TRMT1: variants seen among roughly 807,000 people sequenced by gnomAD.
TRMT1 encodes the protein tRNA methyltransferase 1.
A neutral mutation model predicts 75.4 loss-of-function variants in TRMT1; 63 were observed. That is an observed-to-expected ratio of 0.84 (90% CI 0.68 to 1.03). The LOEUF is 1.03. Among genes scored for constraint, TRMT1 ranks in the 50% least tolerant of loss-of-function variants. The pLI is 0.00. For missense variants in TRMT1, 870 were observed against 905.3 expected (o/e 0.96, Z 0.50); for synonymous variants, 382 against 358.1 (o/e 1.07, Z -0.75).
Position 13,105,011 on chromosome 19 carries a change from G to A in TRMT1, c.1904C>T (p.Ala635Val). 1 of 1,613,064 alleles carries A rather than the reference G, an allele frequency of 6.2e-7. No individual in the cohort carries two copies. The highest frequency in any genetic ancestry group is 8.5e-7 in the Non-Finnish European group (1 of 1,179,536). ...SPPTPRVSAD[A>V]APDCPETSNQ... ...GGAGGTCTCTGGACAGTCAGGGGCA[G>A]CATCAGCAGAAACCCTGGGTGTCGG... is the stretch of plus-strand genomic sequence containing the variant. The change falls in exon 17 of 17, where the codon GCT (alanine) becomes GTT (valine). Residue 635 changes from alanine to valine, a missense_variant. By Grantham distance (64) the Ala-to-Val change is moderately conservative. Transcript: ENST00000357720.
At chr19:13,109,218 G>A (rs971981589) in intron 12 of TRMT1, among the ~76,000 whole-genome samples, 163 bp downstream of exon 12, 7 of 151,870 alleles carry the variant, frequency 4.6e-5, no homozygotes, top group Non-Finnish European at 1.0e-4. Context: ...GGCCTCAAGT[G>A]ATCTTCCTGC....
chr19:13,105,710 T>C (rs2018837780), intron 14 of TRMT1, 104 bp from the exon 15 acceptor site: 6 of 1,150,862 alleles, frequency 5.2e-6, no homozygotes, highest in Non-Finnish European at 7.4e-6. Context: ...GCACGAGGTG[T>C]CTGCTCATGT....
At position 13,114,984 on chromosome 19, in the gene TRMT1, T is replaced by C. The variant is rs375116483; in HGVS notation, c.641+295A>G. Reference sequence around the variant, plus strand: ...GTTCTTGAAAACGGTGCCTGACACATAGCAGACACTGGATATACTATGGCT... The same window carrying C: ...GTTCTTGAAAACGGTGCCTGACACACAGCAGACACTGGATATACTATGGCT... On this transcript the variant is annotated intron_variant, in intron 5 of 16. Coordinates refer to ENST00000357720, the MANE Select transcript of TRMT1 (RefSeq NM_001136035.4). 3.3e-5 allele frequency among the ~76,000 whole-genome samples: 5 copies of C among 152,338 alleles called. No individual in the cohort carries two copies. The East Asian group carries it at 5.8e-4, about 18-fold the overall frequency.
chr19:13,115,187 C>T (rs1599958518), intron 5 of TRMT1, 92 bp downstream of exon 5: 4 of 1,375,308 alleles, frequency 2.9e-6, no homozygotes, highest in Non-Finnish European at 3.9e-6. Flanking sequence ...CTAAGTCACT[C>T]ACTCAAGGTC....
At chr19:13,108,148 G>A (rs915705628) in intron 12 of TRMT1, among the ~76,000 whole-genome samples, 8 of 150,534 alleles carry the variant, frequency 5.3e-5, no homozygotes, top group Non-Finnish European at 8.9e-5. Flanking sequence ...GTGCCACCAC[G>A]CCCAGCTAAT....
rs113546144 is a variant in TRMT1 at position 13,116,575 on chromosome 19, G to T, written c.-33+78C>A. 2.1e-3 allele frequency: 1,884 copies of T among 898,276 alleles called. 33 individuals carry two copies. The African/African-American group carries it at 0.029, about 14-fold the overall frequency. 55.6% of individuals were successfully genotyped at this position (898,276 alleles called of 1,614,324 possible). On this transcript the variant is annotated intron_variant, in intron 1 of 16. Coordinates refer to ENST00000357720, the MANE Select transcript of TRMT1 (RefSeq NM_001136035.4). ...TATCCCCTCGTTTTGGGGATGACTGGTCCCTGTGGAGCCGATGCCCTCGTG... is the reference window on the plus strand; with the variant it reads ...TATCCCCTCGTTTTGGGGATGACTGTTCCCTGTGGAGCCGATGCCCTCGTG...
intron 14 of TRMT1, 146 bp from the exon 15 acceptor site, chr19:13,105,752 T>C (rs1267168712): frequency 6.6e-6 from 6 of 914,772 alleles, no homozygotes; most frequent in Admixed American, 3.0e-5. Context: ...ATAAACATTT[T>C]TGGTTTTTTT....
At chr19:13,116,583 G>A in intron 1 of TRMT1, 70 bp downstream of exon 1, 1 of 840,350 alleles carries the variant, frequency 1.2e-6, no homozygotes, top group South Asian at 1.8e-5. Context: ...TGGTCCCTGT[G>A]GAGCCGATGC....
chr19:13,105,208 G>A, intron 16 of TRMT1, 59 bp downstream of exon 16: 1 of 1,571,638 alleles, frequency 6.4e-7, no homozygotes, highest in East Asian at 2.2e-5. Flanking sequence ...TTCTCTCCCT[G>A]TTGCCCAAAG....
intron 16 of TRMT1, 91 bp downstream of exon 16, chr19:13,105,176 T>TG: frequency 6.4e-7 from 1 of 1,556,066 alleles, no homozygotes; most frequent in Non-Finnish European, 8.7e-7. Context: ...CCCAAACACT[T>TG]GCCTGGCCCC....
Position 13,110,167 on chromosome 19 carries a change from G to A in TRMT1, c.1010C>T (p.Ala337Val). ...RVFTGQAKVK[A>V]SASKQALVFQ... ...CTGCCCCCGGGCTGACCTGGCTGAGGCCTTGACCTTGGCCTGGCCGGTGAA... is the reference window on the plus strand; with the variant it reads ...CTGCCCCCGGGCTGACCTGGCTGAGACCTTGACCTTGGCCTGGCCGGTGAA... Residue 337 changes from alanine (A) to valine (V), a missense_variant, in exon 8 of 17, where the codon GCC becomes GTC. Coordinates refer to ENST00000357720, the MANE Select transcript of TRMT1 (RefSeq NM_001136035.4). 1 of 1,612,332 alleles carries A rather than the reference G, an allele frequency of 6.2e-7. No individual in the cohort carries two copies. Among genetic ancestry groups the A allele is most frequent in the East Asian group, 2.2e-5 (1 of 44,892 alleles).
rs1317617391 is a variant in TRMT1, at chr19:13,113,248, T to C, written c.642-237A>G. Among the ~76,000 whole-genome samples the C allele has an allele frequency of 3.3e-5, 5 of 152,006 alleles. No individual in the cohort carries two copies. The East Asian group carries it at 9.7e-4, about 29-fold the overall frequency. ...ATCTCGGCTCCCTGCAACCTCCGCT[T>C]CCCCAGTTCAAGCAATTCTCGCGCC... On this transcript the variant is annotated intron_variant, in intron 5 of 16. Coordinates refer to ENST00000357720, the MANE Select transcript of TRMT1 (RefSeq NM_001136035.4).
At chr19:13,115,904 T>C (rs777555707) in intron 3 of TRMT1, 93 bp downstream of exon 3, 1 of 1,610,086 alleles carries the variant, frequency 6.2e-7, no homozygotes, top group Non-Finnish European at 8.5e-7. Flanking sequence ...GCTATGTGGC[T>C]GAAGCCCCTC....
In TRMT1 at chr19:13,110,259, G is replaced by A. The variant is rs764301973; in HGVS notation, c.918C>T (p.Tyr306=). The A allele has an allele frequency of 1.1e-5, 18 of 1,612,420 alleles. No homozygotes were observed. Among genetic ancestry groups the A allele is most frequent in the Non-Finnish European group, 1.5e-5 (18 of 1,179,530 alleles). The stretch of plus-strand genomic sequence containing the variant: ...TGAGCAGCGGCACCACGAAGCGCTG[G>A]TAGCAGTTGGCGCGGAGGTCCAGGC... ...LHSLDLRANC[Y]QRFVVPLLSI... The change falls in exon 8 of 17, where the codon TAC becomes TAT. Residue 306 remains tyrosine (Y), a synonymous_variant. Coordinates refer to ENST00000357720, the MANE Select transcript of TRMT1 (RefSeq NM_001136035.4).
chr19:13,108,018 T>G (rs2018965767), intron 12 of TRMT1, among the ~76,000 whole-genome samples, 159 bp from the exon 13 acceptor site: 2 of 133,984 alleles, frequency 1.5e-5, no homozygotes. Context: ...TGAGATGGAG[T>G]CTCGCTCTGT....
At position 13,105,266 on chromosome 19, in the gene TRMT1, C is replaced by A. The variant is rs1003525570; in HGVS notation, c.1833+1G>T. 1 of 1,612,350 alleles carries A rather than the reference C, an allele frequency of 6.2e-7. No homozygotes were observed. The highest frequency in any genetic ancestry group is 1.3e-5 in the African/African-American group (1 of 74,926). On this transcript the variant is annotated splice_donor_variant, in intron 16 of 16. Coordinates refer to ENST00000357720, the MANE Select transcript of TRMT1 (RefSeq NM_001136035.4). LOFTEE classifies it high-confidence loss of function. ...TGGAGGAAAGGGAGGAGGGACCTCA[C>A]CTCCTTAAACCTCTTGCAAGGAAAT...
In TRMT1 at chr19:13,110,320, GT is replaced by G; in HGVS notation, c.871-15del. 2.8e-6 allele frequency: 2 copies of G among 712,024 alleles called. No individual in the cohort carries two copies. The highest frequency in any genetic ancestry group is 1.8e-5 in the African/African-American group (1 of 56,610). 44.1% of individuals were successfully genotyped at this position (712,024 alleles called of 1,614,324 possible). ...GATTCTCAGGGCCTGGGGGTGGGGG[GT>G]GGGTGTCAGCCTCCCCTCCACTATC... On this transcript the variant is annotated splice_polypyrimidine_tract_variant and intron_variant, in intron 7 of 16. Transcript: ENST00000357720.
In TRMT1 at chr19:13,109,414, A is replaced by G; in HGVS notation, c.1364T>C (p.Ile455Thr). The G allele has an allele frequency of 6.2e-7, 1 of 1,613,164 alleles. No individual in the cohort carries two copies. The highest frequency in any genetic ancestry group is 8.5e-7 in the Non-Finnish European group (1 of 1,179,968). The change falls in exon 12 of 17, where the codon ATC becomes ACC. Residue 455 changes from isoleucine (I) to threonine (T), a missense_variant. Ile to Thr is a moderately conservative substitution (Grantham distance 89). Transcript: ENST00000357720. ...YYTLDQLSST[I>T]HCNTPSLLQL... ...CAGGAGGCTTGGTGTGTTGCAGTGG[A>G]TGGTGCTGCTCAGCTGGTCCAGGGT...
In TRMT1 at chr19:13,112,670, C is replaced by T. The variant is rs745584747; in HGVS notation, c.870+35G>A. On this transcript the variant is annotated intron_variant, in intron 7 of 16. Coordinates refer to ENST00000357720, the MANE Select transcript of TRMT1 (RefSeq NM_001136035.4). ...GGGACTCAGACAACCACCTGTCCCCCGGTCTCCCTGGCTGGCTGGCAGAGG... is the reference window on the plus strand; with the variant it reads ...GGGACTCAGACAACCACCTGTCCCCTGGTCTCCCTGGCTGGCTGGCAGAGG... 1.4e-5 allele frequency: 23 copies of T among 1,592,298 alleles called. No homozygotes were observed. The Admixed American group carries it at 1.7e-4, about 12-fold the overall frequency.
Sources: allele counts gnomAD v4.1 joint callset (sites outside exome capture counted in the v4.1 genomes callset), GRCh38; gene constraint gnomAD v4.1.1; transcripts MANE v1.5; gene names NCBI Gene and HGNC (gene_info 2026-07-23, HGNC 2026-07-21).